Variants in CROCC2 observed in about 807,000 individuals in gnomAD.
CROCC2 encodes the protein ciliary rootlet coiled-coil, rootletin family member 2.
In CROCC2, 163 loss-of-function variants were observed where a neutral mutation model predicts 177.6. The ratio of observed to expected loss-of-function variants is 0.92; its 90% CI spans 0.81 to 1.05. The LOEUF (loss-of-function observed/expected upper bound fraction) is 1.05, where lower values mean the gene tolerates loss of function less well. Among genes scored for constraint, CROCC2 ranks in the 50% least tolerant of loss-of-function variants. The pLI, the probability that CROCC2 is intolerant of heterozygous loss-of-function variation, is 0.00. For missense variants in CROCC2, 1,929 were observed against 1,797.8 expected, an observed-to-expected ratio of 1.07 and a Z score of -1.32; for synonymous variants, 904 against 787.3, an observed-to-expected ratio of 1.15 and a Z score of -2.48.
chr2:240,988,853 CA>C lies in CROCC2; in HGVS notation c.4670del (p.Asn1557IlefsTer8). ...LHQEVDGALR[Q>X]NQQLQAQMTE... ...CCAGGAGGTGGACGGAGCCCTGAGG[CA>C]AAATCAGCAGCTGCAGGTCAACTGG... On this transcript the variant is annotated frameshift_variant, in exon 29 of 32. Transcript: ENST00000690015. LOFTEE classifies it high-confidence loss of function. The C allele has an allele frequency of 1.3e-6, 2 of 1,488,910 alleles. No individual in the cohort carries two copies. Among genetic ancestry groups the C allele is most frequent in the Non-Finnish European group, 1.8e-6 (2 of 1,111,516 alleles). 92.2% of individuals were successfully genotyped at this position (1,488,910 alleles called of 1,614,324 possible).
chr2:240,961,902 G>A (rs748553412), intron 20 of CROCC2, among the ~76,000 whole-genome samples: 4 of 133,308 alleles, frequency 3.0e-5, no homozygotes, highest in East Asian at 2.3e-4. Context: ...ACACACACAC[G>A]TAGTGCATGC....
At chr2:240,974,698 T>C (rs2059747487) in intron 27 of CROCC2, among the ~76,000 whole-genome samples, 1 of 152,094 alleles carries the variant, frequency 6.6e-6, no homozygotes. Flanking sequence ...TAATTTTTCT[T>C]ATTTCTTGAA....
At chr2:240,934,255 G>T (rs941020356) in intron 11 of CROCC2, 76 bp from the exon 12 acceptor site, 80 of 1,486,298 alleles carry the variant, frequency 5.4e-5, no homozygotes, top group Non-Finnish European at 7.0e-5. Context: ...GTTGCAGGTG[G>T]TCGCCTGCCT....
In CROCC2 at chr2:240,965,948, CAG is replaced by C. The variant is rs1436729907; in HGVS notation, c.3919_3920del (p.Ser1307ProfsTer77). 5.6e-5 allele frequency: 78 copies of C among 1,403,126 alleles called. No individual in the cohort carries two copies. In the Admixed American group the frequency reaches 9.1e-4, roughly 16 times the overall value. 86.9% of individuals were successfully genotyped at this position (1,403,126 alleles called of 1,614,324 possible). A position where few individuals can be genotyped will look rare whatever the true frequency, so the allele number is the denominator to read the frequency against. ...TLRRGLGLQR[Q>X]SPWASPEQPG... ...CCGCCGTGGCCTGGGGCTCCAGAGA[CAG>C]AGCCCGTGGGCCTCCCCGGAGCAGC... is the stretch of plus-strand genomic sequence containing the variant. On this transcript the variant is annotated frameshift_variant, in exon 24 of 32. Transcript: ENST00000690015. LOFTEE classifies it high-confidence loss of function.
intron 1 of CROCC2, among the ~76,000 whole-genome samples, chr2:240,915,744 C>G (rs868610568): frequency 6.6e-6 from 1 of 152,064 alleles, no homozygotes. Context: ...GGGCCAGGAT[C>G]GGGTTGAGTG....
intron 14 of CROCC2, among the ~76,000 whole-genome samples, chr2:240,936,914 G>A (rs745495680): frequency 5.9e-5 from 9 of 152,196 alleles, no homozygotes; most frequent in African/African-American, 1.7e-4. Flanking sequence ...GCTGGGAGGC[G>A]ACTGATATGG....
At chr2:240,975,705 A>T (rs2059755999) in intron 27 of CROCC2, among the ~76,000 whole-genome samples, 1 of 143,554 alleles carries the variant, frequency 7.0e-6, no homozygotes, top group Non-Finnish European at 1.5e-5. Flanking sequence ...AGAATCCAGC[A>T]TCCAACCAGC....
At chr2:240,922,911 C>T (rs2059365974) in intron 4 of CROCC2, among the ~76,000 whole-genome samples, 1 of 152,104 alleles carries the variant, frequency 6.6e-6, no homozygotes, top group African/African-American at 2.4e-5. Context: ...GTGGGGAGAC[C>T]CCAGGCCGAG....
chr2:240,937,818 T>C (rs1289482410), intron 14 of CROCC2, among the ~76,000 whole-genome samples: 1 of 152,198 alleles, frequency 6.6e-6, no homozygotes, highest in African/African-American at 2.4e-5. Context: ...AGGTGATTTG[T>C]TCATGGGGCC....
intron 14 of CROCC2, among the ~76,000 whole-genome samples, chr2:240,945,738 T>C (rs944603062): frequency 1.3e-5 from 2 of 152,102 alleles, no homozygotes; most frequent in African/African-American, 4.8e-5. Context: ...TTACCTTCTA[T>C]TGCCATTTCT....
rs367727335 is a variant in CROCC2 at position 240,960,529 on chromosome 2, G to A, written c.3087+1085G>A. Among the ~76,000 whole-genome samples the A allele has an allele frequency of 1.3e-5, 2 of 152,128 alleles. No homozygotes were observed. Among genetic ancestry groups the A allele is most frequent in the African/African-American group, 4.8e-5 (2 of 41,432 alleles). On this transcript the variant is annotated intron_variant, in intron 20 of 31. Transcript: ENST00000690015. This position sits in a 1 kb window ranked among gnomAD's most constrained non-coding sequence, Gnocchi z 5.0. ...CGGGGGGACGCCTGTGTGTGGCAAG[G>A]GCAGGAGGGCACGCGGATCTGGGCT...
chr2:240,991,168 C>G (rs2059876734), intron 30 of CROCC2, 28 bp from the exon 31 acceptor site: 1 of 1,513,238 alleles, frequency 6.6e-7, no homozygotes, highest in Non-Finnish European at 8.9e-7. Flanking sequence ...GCCTGCCCAC[C>G]TGACCTGAGC....
chr2:240,975,070 A>G (rs1328905957), intron 27 of CROCC2, among the ~76,000 whole-genome samples: 1 of 152,050 alleles, frequency 6.6e-6, no homozygotes. Flanking sequence ...GGTTTTGTCT[A>G]TTTGTTTGTG....
chr2:240,947,738 A>G (rs771992234), intron 15 of CROCC2, among the ~76,000 whole-genome samples: 7 of 152,086 alleles, frequency 4.6e-5, no homozygotes, highest in Non-Finnish European at 7.4e-5. Flanking sequence ...TCAGGCCCTG[A>G]CAAGGCTTCA....
rs1187917346 is a variant in CROCC2, at chr2:240,960,941, G to A, written c.3087+1497G>A. 6.6e-6 allele frequency among the ~76,000 whole-genome samples: 1 copy of A among 150,948 alleles called. No individual in the cohort carries two copies. Among genetic ancestry groups the A allele is most frequent in the East Asian group, 2.0e-4 (1 of 5,080 alleles). On this transcript the variant is annotated intron_variant, in intron 20 of 31. Coordinates refer to ENST00000690015, the MANE Select transcript of CROCC2 (RefSeq NM_001351305.2). The surrounding 1 kb of genome is among the most constrained non-coding windows in gnomAD (Gnocchi z 5.0). ...AGGGGGAGGGGGAGGGGGAGGTGTGGAGAGGGTGGGGGTGCATTGGTTCTG... is the reference window on the plus strand; with the variant it reads ...AGGGGGAGGGGGAGGGGGAGGTGTGAAGAGGGTGGGGGTGCATTGGTTCTG...
At chr2:240,916,816 G>A (rs746391868) in intron 1 of CROCC2, among the ~76,000 whole-genome samples, 7 of 152,208 alleles carry the variant, frequency 4.6e-5, no homozygotes, top group Non-Finnish European at 7.3e-5. Flanking sequence ...GGGGGATTGA[G>A]CGGAGCATGA....
chr2:240,925,519 C>A (rs1263708573), intron 4 of CROCC2, among the ~76,000 whole-genome samples: 4 of 152,150 alleles, frequency 2.6e-5, no homozygotes, highest in Non-Finnish European at 4.4e-5. Context: ...CCTGGGAGAG[C>A]CACCTTGATG....
Position 240,964,500 on chromosome 2 carries a change from C to A in CROCC2, c.3340C>A (p.Leu1114Met), listed in dbSNP as rs1189014670. The change falls in exon 22 of 32, where the codon CTG becomes ATG. Residue 1114 changes from leucine to methionine, a missense_variant. Leu to Met is a conservative substitution (Grantham distance 15). Coordinates refer to ENST00000690015, the MANE Select transcript of CROCC2 (RefSeq NM_001351305.2). ...KRSKEEKEQK[L>M]LILEEAQAAL... ...GTCCAAGGAGGAGAAGGAGCAGAAGCTGCTCATCCTGGAGGAGGCCCAGGC... is the reference window on the plus strand; with the variant it reads ...GTCCAAGGAGGAGAAGGAGCAGAAGATGCTCATCCTGGAGGAGGCCCAGGC... 1.3e-6 allele frequency: 2 copies of A among 1,549,006 alleles called. No individual in the cohort carries two copies. The highest frequency in any genetic ancestry group is 1.7e-6 in the Non-Finnish European group (2 of 1,146,862).
At chr2:240,955,073 C>T (rs981614162) in intron 18 of CROCC2, 5 of 152,176 alleles carry the variant, frequency 3.3e-5, no homozygotes, top group Non-Finnish European at 7.3e-5. Context: ...CCTCTTCTCA[C>T]TTATCAAAGC....
Sources: allele counts gnomAD v4.1 joint callset (sites outside exome capture counted in the v4.1 genomes callset), GRCh38; gene constraint gnomAD v4.1.1; non-coding constraint Gnocchi (gnomAD v3.1); transcripts MANE v1.5; gene names NCBI Gene and HGNC (gene_info 2026-07-23, HGNC 2026-07-21).